PLXNA4: variants seen among roughly 807,000 people sequenced by gnomAD.
The protein encoded by PLXNA4 is plexin-A4.
A neutral mutation model predicts 191.8 loss-of-function variants in PLXNA4; 44 were observed. The ratio of observed to expected loss-of-function variants is 0.23; its 90% confidence interval spans 0.18 to 0.29. The LOEUF (loss-of-function observed/expected upper bound fraction) is 0.29, where lower values mean the gene tolerates loss of function less well. Among genes scored for constraint, PLXNA4 ranks in the 10% least tolerant of loss-of-function variants. PLXNA4 has a pLI of 1.00. For synonymous variants in PLXNA4, 1,082 were observed against 1,009.5 expected (o/e 1.07, Z -1.36); for missense variants, 1,800 against 2,488.8 (o/e 0.72, Z 5.89).
At chr7:132,514,056 C>CTTTTT (rs781602593) in intron 1 of PLXNA4, among the ~76,000 whole-genome samples, 1 of 139,498 alleles carries the variant, frequency 7.2e-6, no homozygotes, top group Admixed American at 7.2e-5. Flanking sequence ...TTTGGTGAGA[C>CTTTTT]TTTTTTTTTT....
intron 25 of PLXNA4, 95 bp from the exon 26 acceptor site, chr7:132,148,741 A>C: frequency 1.3e-6 from 2 of 1,556,262 alleles, no homozygotes; most frequent in Non-Finnish European, 1.7e-6. Context: ...GTGCTAGCTC[A>C]AGGGTGTGTC....
intron 3 of PLXNA4, among the ~76,000 whole-genome samples, chr7:132,357,721 G>A (rs1803768597): frequency 2.6e-5 from 4 of 152,156 alleles, no homozygotes; most frequent in Admixed American, 2.6e-4. Flanking sequence ...TCTCTTTGCT[G>A]CCAACACAAA....
Position 132,576,377 on chromosome 7 carries a change from C to G in PLXNA4, c.-87+45G>C, listed in dbSNP as rs377163481. Reference sequence around the variant, plus strand: ...CCCAGGTCTGTCCGACCTTGCTGCCCTCGCCGCCCGCCCGGCCCCACTCCC... The same window carrying G: ...CCCAGGTCTGTCCGACCTTGCTGCCGTCGCCGCCCGCCCGGCCCCACTCCC... On this transcript the variant is annotated intron_variant, in intron 1 of 31. Coordinates refer to ENST00000321063, the MANE Select transcript of PLXNA4 (RefSeq NM_020911.2). The surrounding 1 kb of genome is among the most constrained non-coding windows in gnomAD (Gnocchi z 5.8). The G allele has an allele frequency of 7.1e-6, 7 of 985,594 alleles. No homozygotes were observed. The East Asian group carries it at 6.8e-4, about 96-fold the overall frequency. The allele number at this position is 985,594 out of a possible 1,614,324, so 61.1% of individuals were successfully genotyped here.
chr7:132,259,436 C>CAAAAA (rs55902635), intron 4 of PLXNA4, among the ~76,000 whole-genome samples: 3 of 33,862 alleles, frequency 8.9e-5, no homozygotes, highest in African/African-American at 3.3e-4. Flanking sequence ...AACTCCAACT[C>CAAAAA]AAAAAAAAAA....
At chr7:132,420,413 A>G (rs1361690080) in intron 3 of PLXNA4, among the ~76,000 whole-genome samples, 3 of 152,132 alleles carry the variant, frequency 2.0e-5, no homozygotes, top group African/African-American at 7.2e-5. Context: ...CATAGAATCT[A>G]TGGCTGGGCT....
At chr7:132,222,932 C>T (rs1798194896) in intron 9 of PLXNA4, among the ~76,000 whole-genome samples, 1 of 152,198 alleles carries the variant, frequency 6.6e-6, no homozygotes, top group Admixed American at 6.5e-5. Context: ...GCCCAAGTTG[C>T]TGCACCCTGC....
intron 4 of PLXNA4, among the ~76,000 whole-genome samples, chr7:132,294,423 G>T (rs1801002907): frequency 6.6e-6 from 1 of 152,218 alleles, no homozygotes; most frequent in African/African-American, 2.4e-5. Context: ...AGCATATAAG[G>T]CCCTGTGGGT....
At chr7:132,626,296 CTCTCAATCT>C (rs1803371614) in intron 2 of PLXNA4, among the ~76,000 whole-genome samples, 1 of 152,226 alleles carries the variant, frequency 6.6e-6, no homozygotes, top group African/African-American at 2.4e-5. Context: ...CCCAGATTCC[CTCTCAATCT>C]AGCCTGAAGG....
chr7:132,391,818 G>A (rs150123432), intron 3 of PLXNA4, among the ~76,000 whole-genome samples: 318 of 152,256 alleles, frequency 2.1e-3, no homozygotes, highest in African/African-American at 7.5e-3. Context: ...ACAAGGCTCT[G>A]GAGCATGAAT....
chr7:132,545,253 C>A (rs1800249634), intron 1 of PLXNA4, among the ~76,000 whole-genome samples: 1 of 152,156 alleles, frequency 6.6e-6, no homozygotes, highest in African/African-American at 2.4e-5. Context: ...CTGTGGGCAG[C>A]TTTAATTTAT....
At chr7:132,442,337 T>C (rs1486310420) in intron 3 of PLXNA4, among the ~76,000 whole-genome samples, 1 of 152,166 alleles carries the variant, frequency 6.6e-6, no homozygotes, top group African/African-American at 2.4e-5. Flanking sequence ...ATGAAGTTAC[T>C]GCTTGATGCC....
intron 3 of PLXNA4, among the ~76,000 whole-genome samples, chr7:132,369,924 C>T (rs142050113): frequency 0.055 from 8,321 of 151,910 alleles, 267 homozygotes; most frequent in African/African-American, 0.078. Flanking sequence ...AAAAATTAGC[C>T]GGGTGTGGTG....
chr7:132,329,257 G>A (rs1050998268), intron 3 of PLXNA4, among the ~76,000 whole-genome samples: 1 of 152,166 alleles, frequency 6.6e-6, no homozygotes, highest in Non-Finnish European at 1.5e-5. Flanking sequence ...CTTGAATCCA[G>A]CTCCAGCCTT....
chr7:132,288,607 G>A (rs113535121), intron 4 of PLXNA4, among the ~76,000 whole-genome samples: 188 of 152,280 alleles, frequency 1.2e-3, no homozygotes, highest in Middle Eastern at 3.4e-3. Context: ...GCCAGCCTGG[G>A]TGCCAGGAGC....
At chr7:132,431,390 C>T (rs1795255355) in intron 3 of PLXNA4, among the ~76,000 whole-genome samples, 1 of 152,142 alleles carries the variant, frequency 6.6e-6, no homozygotes, top group Non-Finnish European at 1.5e-5. Flanking sequence ...ATACACCCTC[C>T]TCGTCACTCC....
chr7:132,196,894 T>G (rs1797270087), intron 13 of PLXNA4, among the ~76,000 whole-genome samples: 1 of 152,238 alleles, frequency 6.6e-6, no homozygotes, highest in African/African-American at 2.4e-5. Flanking sequence ...TGTACGTTCA[T>G]GCTCTTTGAT....
chr7:132,541,703 G>A (rs773503196), intron 1 of PLXNA4, among the ~76,000 whole-genome samples: 4 of 152,198 alleles, frequency 2.6e-5, no homozygotes, highest in African/African-American at 2.4e-5. Flanking sequence ...CACCATTTTC[G>A]AGGACACTTT....
intron 5 of PLXNA4, among the ~76,000 whole-genome samples, chr7:132,229,238 GT>G (rs1456774276): frequency 6.6e-6 from 1 of 152,224 alleles, no homozygotes; most frequent in Admixed American, 6.5e-5. Flanking sequence ...TGGCTCTAAG[GT>G]TTGCTGTTAC....
At chr7:132,135,940 G>A (rs1795099028) in intron 30 of PLXNA4, among the ~76,000 whole-genome samples, 1 of 152,144 alleles carries the variant, frequency 6.6e-6, no homozygotes, top group Non-Finnish European at 1.5e-5. Context: ...CTCATCTTCA[G>A]CAAGTTCTAA....
Sources: gnomAD v4.1 joint callset for allele counts (sites outside exome capture counted in the v4.1 genomes callset) on GRCh38, gnomAD v4.1.1 for gene constraint, Gnocchi (gnomAD v3.1) non-coding constraint, MANE v1.5 for transcripts, NCBI Gene and HGNC (gene_info 2026-07-23, HGNC 2026-07-21) for gene names.